PKP2: variants seen among roughly 807,000 people sequenced by gnomAD.
PKP2 encodes plakophilin 2.
Under a neutral mutation model 83.4 loss-of-function variants are expected in PKP2, and 73 were observed. The observed-to-expected ratio is 0.88, with a 90% CI of 0.72 to 1.06. PKP2 has a LOEUF of 1.06. Ranked by LOEUF, PKP2 falls within the 50% of genes least tolerant of loss-of-function variation. The pLI is 0.00. For missense variants in PKP2, 966 were observed against 1,065.4 expected (o/e 0.91, Z 1.30); for synonymous variants, 409 against 430.4 (o/e 0.95, Z 0.62).
At chr12:32,848,285 G>A (rs912824605) in intron 5 of PKP2, among the ~76,000 whole-genome samples, 1 of 152,088 alleles carries the variant, frequency 6.6e-6, no homozygotes, top group Non-Finnish European at 1.5e-5. Context: ...TTAGCTGGGC[G>A]TGGTGGTGGG....
At chr12:32,876,148 C>G (rs1956930224) in intron 3 of PKP2, among the ~76,000 whole-genome samples, 1 of 152,104 alleles carries the variant, frequency 6.6e-6, no homozygotes, top group Non-Finnish European at 1.5e-5. Flanking sequence ...GTCTCAAACA[C>G]CACCCACAGG....
intron 1 of PKP2, among the ~76,000 whole-genome samples, chr12:32,889,348 TG>T (rs35090262): frequency 7.9e-5 from 12 of 152,172 alleles, no homozygotes; most frequent in Non-Finnish European, 1.8e-4. Flanking sequence ...GAATTTAAAC[TG>T]GGAAATGATG....
chr12:32,820,480 GTGCATCTGGA>G (rs1410654281), intron 9 of PKP2: 2 of 152,214 alleles, frequency 1.3e-5, no homozygotes, highest in Non-Finnish European at 2.9e-5. Flanking sequence ...TATAAAGTAA[GTGCATCTGGA>G]AAGAGGATCA....
chr12:32,829,493 C>T (rs766656015), intron 6 of PKP2, among the ~76,000 whole-genome samples: 5 of 151,424 alleles, frequency 3.3e-5, no homozygotes, highest in Non-Finnish European at 7.4e-5. Context: ...TCTAGCAATC[C>T]TTCTGCAAAG....
intron 5 of PKP2, among the ~76,000 whole-genome samples, chr12:32,847,780 T>C (rs1956660235): frequency 6.6e-6 from 1 of 152,128 alleles, no homozygotes; most frequent in South Asian, 2.1e-4. Flanking sequence ...AGGAAGTATT[T>C]CCTGACTATA....
intron 9 of PKP2, among the ~76,000 whole-genome samples, chr12:32,807,305 T>C (rs998347634): frequency 2.6e-5 from 4 of 152,208 alleles, no homozygotes; most frequent in African/African-American, 9.7e-5. Context: ...CTTTTTTTGA[T>C]CTTTGCTGGT....
intron 1 of PKP2, among the ~76,000 whole-genome samples, chr12:32,882,843 A>C (rs1956998113): frequency 1.3e-5 from 2 of 152,208 alleles, no homozygotes; most frequent in Admixed American, 1.3e-4. Flanking sequence ...TGATTATTAA[A>C]TCAACCTGGG....
chr12:32,859,256 T>C (rs1451484134), intron 4 of PKP2, among the ~76,000 whole-genome samples: 1 of 152,184 alleles, frequency 6.6e-6, no homozygotes, highest in East Asian at 1.9e-4. Flanking sequence ...GCTCTGTAAT[T>C]AGTGATGGAT....
chr12:32,880,333 G>C (rs1276161315), intron 1 of PKP2, among the ~76,000 whole-genome samples: 1 of 152,000 alleles, frequency 6.6e-6, no homozygotes. Flanking sequence ...CCGGGAGGCA[G>C]AGGTTGCAGT....
At chr12:32,860,484 T>C (rs1358706199) in intron 4 of PKP2, among the ~76,000 whole-genome samples, 2 of 152,106 alleles carry the variant, frequency 1.3e-5, no homozygotes, top group Non-Finnish European at 2.9e-5. Context: ...TTCTCAGAAG[T>C]GTCTTGCCTT....
At chr12:32,819,754 G>A (rs1242290146) in intron 9 of PKP2, among the ~76,000 whole-genome samples, 3 of 152,076 alleles carry the variant, frequency 2.0e-5, no homozygotes, top group Admixed American at 2.0e-4. Flanking sequence ...AAAAATGAAA[G>A]CACCCCTGGT....
intron 9 of PKP2, among the ~76,000 whole-genome samples, chr12:32,812,555 T>G (rs1290605221): frequency 6.6e-6 from 1 of 152,146 alleles, no homozygotes; most frequent in Non-Finnish European, 1.5e-5. Context: ...CAGGCTGGAG[T>G]GCAGTGGCAT....
In PKP2 at chr12:32,854,996, C is replaced by T. The variant is rs1016462333; in HGVS notation, c.1171-4023G>A. 3.9e-5 allele frequency among the ~76,000 whole-genome samples: 6 copies of T among 152,202 alleles called. 1 individual carries two copies. Among genetic ancestry groups the T allele is most frequent in the African/African-American group, 1.4e-4 (6 of 41,460 alleles). ...TGGGATCCAGCTCAAATGTCACCTC[C>T]TCTATGAAATGTCACTCCTTTCTCT... On this transcript the variant is annotated intron_variant, in intron 4 of 12. Transcript: ENST00000340811.
At position 32,802,499 on chromosome 12, in the gene PKP2, G is replaced by A. The variant is rs121434421; in HGVS notation, c.2071C>T (p.Arg691Ter). 6 of 1,613,664 alleles carry A rather than the reference G, an allele frequency of 3.7e-6. No homozygotes were observed. The highest frequency in any genetic ancestry group is 1.1e-5 in the South Asian group (1 of 91,074). Residue 691 changes from arginine (R) to a stop codon, truncating the protein, a stop_gained, in exon 10 of 13, where the codon CGA becomes TGA. Coordinates refer to ENST00000340811, the MANE Select transcript of PKP2 (RefSeq NM_001005242.3). LOFTEE classifies it high-confidence loss of function. ...VQKESGLQHT[R>*]KMLHVGDPSV... ...GGGTCACCAACATGCAGCATCTTTC[G>A]GGTGTGCTGCAGGCCACTTTCCTTC...
At chr12:32,861,727 A>G (rs929631574) in intron 4 of PKP2, among the ~76,000 whole-genome samples, 2 of 152,204 alleles carry the variant, frequency 1.3e-5, no homozygotes, top group African/African-American at 4.8e-5. Context: ...AAACTACACT[A>G]AAGCACATGT....
intron 10 of PKP2, among the ~76,000 whole-genome samples, chr12:32,798,001 A>C (rs942484650): frequency 2.0e-5 from 3 of 152,140 alleles, no homozygotes; most frequent in African/African-American, 7.2e-5. Context: ...TATTTTAAAA[A>C]GTAAAATTAA....
At chr12:32,831,686 A>C (rs1414834230) in intron 6 of PKP2, among the ~76,000 whole-genome samples, 1 of 152,258 alleles carries the variant, frequency 6.6e-6, no homozygotes, top group Non-Finnish European at 1.5e-5. Context: ...GATTGATAAG[A>C]ATAAAGAGTC....
At chr12:32,821,066 C>A (rs1207748974) in intron 9 of PKP2, 3 of 395,332 alleles carry the variant, frequency 7.6e-6, no homozygotes, top group Non-Finnish European at 1.4e-5. Flanking sequence ...GAAGGCCCAC[C>A]CTGGAGTTTT....
chr12:32,817,960 C>A (rs1360191592), intron 9 of PKP2, among the ~76,000 whole-genome samples: 1 of 152,018 alleles, frequency 6.6e-6, no homozygotes, highest in Non-Finnish European at 1.5e-5. Flanking sequence ...TATTGTGAAC[C>A]GCACATGAGG....
Sources: gnomAD v4.1 joint callset for allele counts (sites outside exome capture counted in the v4.1 genomes callset) on GRCh38, gnomAD v4.1.1 for gene constraint, MANE v1.5 for transcripts, NCBI Gene and HGNC (gene_info 2026-07-23, HGNC 2026-07-21) for gene names.